Variants in CMIP observed in about 807,000 individuals in gnomAD.
The protein encoded by CMIP is c-Maf inducing protein, also known as C-Maf-inducing protein.
A neutral mutation model predicts 97.3 loss-of-function variants in CMIP; 13 were observed. The ratio of observed to expected loss-of-function variants is 0.13; its 90% confidence interval spans 0.09 to 0.21. The LOEUF (loss-of-function observed/expected upper bound fraction) is 0.21. Among genes scored for constraint, CMIP ranks in the 10% least tolerant of loss-of-function variants. The pLI, the probability that CMIP is intolerant of heterozygous loss-of-function variation, is 1.00. For synonymous variants in CMIP, 538 were observed against 436.3 expected (o/e 1.23, Z -2.91); for missense variants, 847 against 1,024.9 (o/e 0.83, Z 2.37).
intron 1 of CMIP, chr16:81,520,677 T>C (rs1396081943): frequency 1.3e-5 from 2 of 152,050 alleles, no homozygotes; most frequent in Non-Finnish European, 2.9e-5. Context: ...TATTGGAACT[T>C]GGCATTGGAT....
At chr16:81,668,708 C>T (rs2092638711) in intron 7 of CMIP, among the ~76,000 whole-genome samples, 2 of 152,028 alleles carry the variant, frequency 1.3e-5, no homozygotes, top group African/African-American at 2.4e-5. Context: ...CATAGTGACA[C>T]GTGCCAGTGC....
At chr16:81,536,498 T>C (rs901621506) in intron 1 of CMIP, among the ~76,000 whole-genome samples, 7 of 152,238 alleles carry the variant, frequency 4.6e-5, no homozygotes, top group Non-Finnish European at 2.9e-5. Context: ...CATAATGCCC[T>C]GTCCTAACCA....
chr16:81,684,568 C>T (rs1036426135), intron 10 of CMIP, among the ~76,000 whole-genome samples: 5 of 152,226 alleles, frequency 3.3e-5, no homozygotes, highest in Non-Finnish European at 7.3e-5. Flanking sequence ...GTGGGAGACC[C>T]GGGCTTTGCA....
intron 1 of CMIP, among the ~76,000 whole-genome samples, chr16:81,465,389 C>T (rs1597452366): frequency 2.0e-5 from 3 of 152,176 alleles, no homozygotes; most frequent in Admixed American, 2.0e-4. Context: ...CTTTCACTAC[C>T]ACCAGGTTGC....
chr16:81,651,889 T>C (rs951463259), intron 3 of CMIP, among the ~76,000 whole-genome samples: 3 of 152,168 alleles, frequency 2.0e-5, no homozygotes, highest in African/African-American at 4.8e-5. Flanking sequence ...TTCTTCATCC[T>C]TTTAGCAAAA....
At chr16:81,697,664 T>C (rs1054433295) in intron 14 of CMIP, 2 of 152,246 alleles carry the variant, frequency 1.3e-5, no homozygotes, top group African/African-American at 4.8e-5. Flanking sequence ...GCCGGCACAG[T>C]CGCTGCTCGG....
intron 1 of CMIP, among the ~76,000 whole-genome samples, chr16:81,530,496 C>T (rs2090211936): frequency 6.6e-6 from 1 of 151,998 alleles, no homozygotes; most frequent in African/African-American, 2.4e-5. Flanking sequence ...ATCGGTGTAG[C>T]CCGTCTGAGT....
intron 15 of CMIP, among the ~76,000 whole-genome samples, chr16:81,700,829 G>A (rs1445062754): frequency 6.6e-6 from 1 of 152,194 alleles, no homozygotes; most frequent in African/African-American, 2.4e-5. Flanking sequence ...GGCATGAAGA[G>A]CCTTCTGGGT....
At chr16:81,654,319 A>C (rs2092460801) in intron 4 of CMIP, among the ~76,000 whole-genome samples, 1 of 151,536 alleles carries the variant, frequency 6.6e-6, no homozygotes, top group African/African-American at 2.4e-5. Flanking sequence ...TGATCCTCCC[A>C]CCTTGGCCTC....
At chr16:81,706,513 A>G (rs895708829) in intron 19 of CMIP, among the ~76,000 whole-genome samples, 4 of 152,228 alleles carry the variant, frequency 2.6e-5, no homozygotes, top group African/African-American at 9.6e-5. Context: ...GTCCTCATCA[A>G]CAGCACAGAT....
chr16:81,506,883 T>A (rs1474249132), intron 1 of CMIP, among the ~76,000 whole-genome samples: 1 of 139,458 alleles, frequency 7.2e-6, no homozygotes, highest in African/African-American at 2.7e-5. Context: ...CCAGCCTGGA[T>A]GACAGAGCGA....
chr16:81,667,799 A>AGAGAGAGAGAGAGTGTGTGT lies in CMIP; in HGVS notation c.826-2342_826-2341insAGAGAGAGAGAGTGTGTGTG. ...GAGAGAGAGAGAGAGAGAGAGAGAG[A>AGAGAGAGAGAGAGTGTGTGT]GTGTGTGTGTGTGTGTGTGTGTGTG... On this transcript the variant is annotated intron_variant, in intron 7 of 20. Coordinates refer to ENST00000537098, the MANE Select transcript of CMIP (RefSeq NM_198390.3). Among the ~76,000 whole-genome samples, 73 of 58,116 alleles carry AGAGAGAGAGAGAGTGTGTGT rather than the reference A, an allele frequency of 1.3e-3. 1 individual carries two copies. Among genetic ancestry groups the AGAGAGAGAGAGAGTGTGTGT allele is most frequent in the Non-Finnish European group, 1.5e-3 (47 of 31,268 alleles). 38.1% of individuals were successfully genotyped at this position (58,116 alleles called of 152,430 possible).
intron 1 of CMIP, among the ~76,000 whole-genome samples, chr16:81,579,431 C>T (rs2091258366): frequency 6.6e-6 from 1 of 152,218 alleles, no homozygotes; most frequent in South Asian, 2.1e-4. Flanking sequence ...AAGCCAGTTT[C>T]TAACTGGACA....
At chr16:81,631,981 A>G (rs534037545) in intron 3 of CMIP, 1 of 152,368 alleles carries the variant, frequency 6.6e-6, no homozygotes, top group East Asian at 1.9e-4. Flanking sequence ...GAAAAGGACA[A>G]AGAGAACTAA....
At chr16:81,649,340 C>T (rs2092401171) in intron 3 of CMIP, among the ~76,000 whole-genome samples, 1 of 152,260 alleles carries the variant, frequency 6.6e-6, no homozygotes, top group Non-Finnish European at 1.5e-5. Flanking sequence ...TGAGCTGAGG[C>T]TGGGTGTACC....
chr16:81,458,202 C>T (rs1597447200), intron 1 of CMIP, among the ~76,000 whole-genome samples: 1 of 152,118 alleles, frequency 6.6e-6, no homozygotes, highest in African/African-American at 2.4e-5. Flanking sequence ...CTAAAGAGGC[C>T]TTCATCTGTT....
rs759275033 is a variant in CMIP, at chr16:81,655,520, C to T, written c.640-2255C>T. 6.6e-6 allele frequency among the ~76,000 whole-genome samples: 1 copy of T among 152,156 alleles called. No homozygotes were observed. The highest frequency in any genetic ancestry group is 1.5e-5 in the Non-Finnish European group (1 of 68,036). On this transcript the variant is annotated intron_variant, in intron 4 of 20. Coordinates refer to ENST00000537098, the MANE Select transcript of CMIP (RefSeq NM_198390.3). This position sits in a 1 kb window ranked among gnomAD's most constrained non-coding sequence, Gnocchi z 4.9. ...AATGCAGTGGCTATTGGTGGACATG[C>T]TCTACCAGGGGTGGAAAATGGCCCT...
chr16:81,633,376 G>A (rs138599474), intron 3 of CMIP, among the ~76,000 whole-genome samples: 8 of 152,302 alleles, frequency 5.3e-5, no homozygotes, highest in Non-Finnish European at 1.2e-4. Flanking sequence ...GCTCCCACCT[G>A]CTGGCCTGTT....
intron 2 of CMIP, chr16:81,610,368 C>G: frequency 2.0e-6 from 2 of 985,608 alleles, no homozygotes; most frequent in Non-Finnish European, 2.4e-6. Flanking sequence ...CACTTGCTCA[C>G]TGCCCCCTGA....
Sources: gnomAD v4.1 joint callset for allele counts (sites outside exome capture counted in the v4.1 genomes callset) on GRCh38, gnomAD v4.1.1 for gene constraint, Gnocchi (gnomAD v3.1) non-coding constraint, MANE v1.5 for transcripts, NCBI Gene and HGNC (gene_info 2026-07-23, HGNC 2026-07-21) for gene names.